Variants in ARMC2 observed in about 807,000 individuals in gnomAD.
The protein encoded by ARMC2 is armadillo repeat-containing protein 2.
A neutral mutation model predicts 90.3 loss-of-function variants in ARMC2; 67 were observed. The observed-to-expected ratio is 0.74, with a 90% CI of 0.61 to 0.91. The LOEUF (loss-of-function observed/expected upper bound fraction) is 0.91, where lower values mean the gene tolerates loss of function less well. Among genes scored for constraint, ARMC2 ranks in the 40% least tolerant of loss-of-function variants. ARMC2 has a pLI of 0.00. For synonymous variants in ARMC2, 393 were observed against 393.0 expected (o/e 1.00, Z 0.00); for missense variants, 920 against 1,030.9 (o/e 0.89, Z 1.47).
the ARMC2 span, chr6:108,998,411 G>T: frequency 7.1e-7 from 1 of 1,416,312 alleles, no homozygotes; most frequent in Non-Finnish European, 9.7e-7. Context: ...TATCTCCACA[G>T]TCTTAACAGG....
intron 7 of ARMC2, among the ~76,000 whole-genome samples, chr6:108,901,963 G>T (rs890201617): frequency 1.3e-5 from 2 of 152,204 alleles, no homozygotes; most frequent in African/African-American, 2.4e-5. Context: ...ATGAGCTCCA[G>T]GTTAGCATCT....
At chr6:108,988,628 T>C in the ARMC2 span, 2 of 1,612,614 alleles carry the variant, frequency 1.2e-6, no homozygotes, top group Admixed American at 1.7e-5. Flanking sequence ...AGTTTTGATA[T>C]AAACTTTAAA....
At chr6:108,870,349 A>C (rs888570017) in intron 4 of ARMC2, among the ~76,000 whole-genome samples, 1 of 152,172 alleles carries the variant, frequency 6.6e-6, no homozygotes, top group African/African-American at 2.4e-5. Context: ...CCATGCAGCC[A>C]CAATGGGGCA....
chr6:108,999,305 G>C, the ARMC2 span, among the ~76,000 whole-genome samples: 1 of 151,920 alleles, frequency 6.6e-6, no homozygotes, highest in Non-Finnish European at 1.5e-5. Flanking sequence ...TTGTAATCTT[G>C]TATAATTTTT....
rs953327986 is a variant in ARMC2 at position 108,962,006 on chromosome 6, A to G, written c.2039-8A>G. The G allele has an allele frequency of 1.9e-6, 3 of 1,586,060 alleles. No homozygotes were observed. The highest frequency in any genetic ancestry group is 2.6e-6 in the Non-Finnish European group (3 of 1,166,418). On this transcript the variant is annotated splice_polypyrimidine_tract_variant and splice_region_variant and intron_variant, in intron 14 of 17. Coordinates refer to ENST00000392644, the MANE Select transcript of ARMC2 (RefSeq NM_032131.6). The stretch of plus-strand genomic sequence containing the variant: ...CACTGATTTAATTTCTCTGGTCGCC[A>G]AATCCAGTGCTCTTAAAGCTTCTTG...
intron 17 of ARMC2, among the ~76,000 whole-genome samples, chr6:108,972,188 A>G (rs962821484): frequency 6.6e-5 from 10 of 152,212 alleles, no homozygotes; most frequent in Admixed American, 6.5e-4. Flanking sequence ...ATTTATGGTC[A>G]TTTATCTTCC....
intron 4 of ARMC2, among the ~76,000 whole-genome samples, chr6:108,871,733 C>T (rs186220787): frequency 9.7e-4 from 147 of 152,270 alleles, no homozygotes; most frequent in African/African-American, 3.3e-3. Flanking sequence ...GCTCCTTCCC[C>T]GCTGGGGTAC....
At chr6:108,853,386 G>C (rs1199103361) in intron 1 of ARMC2, among the ~76,000 whole-genome samples, 1 of 152,120 alleles carries the variant, frequency 6.6e-6, no homozygotes, top group Non-Finnish European at 1.5e-5. Flanking sequence ...GCAGTTTTCT[G>C]TTGTGCAGAA....
chr6:108,965,190 T>C, intron 17 of ARMC2, 50 bp downstream of exon 17: 1 of 1,523,460 alleles, frequency 6.6e-7, no homozygotes, highest in Admixed American at 1.8e-5. Flanking sequence ...GAGTGTGAGA[T>C]AGTTTTTTTC....
At chr6:109,018,736 G>A in the ARMC2 span, among the ~76,000 whole-genome samples, 4 of 152,052 alleles carry the variant, frequency 2.6e-5, no homozygotes, top group Admixed American at 6.6e-5. Flanking sequence ...TAACTGCAGC[G>A]TATCTTGAGA....
At chr6:108,954,535 A>G (rs1271342216) in intron 13 of ARMC2, among the ~76,000 whole-genome samples, 2 of 152,202 alleles carry the variant, frequency 1.3e-5, no homozygotes, top group Non-Finnish European at 2.9e-5. Context: ...AGGCAGGAGA[A>G]TCGCTTGAAC....
chr6:108,938,260 A>G (rs1776124399), intron 12 of ARMC2, among the ~76,000 whole-genome samples: 1 of 152,000 alleles, frequency 6.6e-6, no homozygotes, highest in South Asian at 2.1e-4. Flanking sequence ...TATTAAGACC[A>G]CCCCAAAACA....
the ARMC2 span, among the ~76,000 whole-genome samples, chr6:109,005,654 G>A: frequency 5.9e-5 from 9 of 152,100 alleles, no homozygotes. Flanking sequence ...TCTTGTCTTT[G>A]TAAGTCCATC....
intron 10 of ARMC2, among the ~76,000 whole-genome samples, chr6:108,919,675 A>T (rs1457847926): frequency 6.6e-6 from 1 of 152,176 alleles, no homozygotes; most frequent in Non-Finnish European, 1.5e-5. Context: ...TATACGTTTG[A>T]TGAGTTTGAC....
chr6:109,001,335 T>G, the ARMC2 span: 1 of 1,613,906 alleles, frequency 6.2e-7, no homozygotes, highest in Non-Finnish European at 8.5e-7. Flanking sequence ...GGCCCATCCA[T>G]TTGCAGTAGA....
chr6:108,854,182 C>G, intron 1 of ARMC2, 43 bp from the exon 2 acceptor site: 1 of 1,083,370 alleles, frequency 9.2e-7, no homozygotes, highest in Non-Finnish European at 1.3e-6. Context: ...TTTATAAAGT[C>G]CTGGACAAAA....
chr6:108,920,246 G>C (rs1774418645), intron 10 of ARMC2, among the ~76,000 whole-genome samples: 1 of 152,118 alleles, frequency 6.6e-6, no homozygotes, highest in African/African-American at 2.4e-5. Context: ...CCAGAGTGCA[G>C]TGGCATGATC....
At chr6:108,947,215 G>T (rs922963676) in intron 12 of ARMC2, among the ~76,000 whole-genome samples, 2 of 152,040 alleles carry the variant, frequency 1.3e-5, no homozygotes, top group Admixed American at 6.5e-5. Context: ...CTTGGTGAGG[G>T]GATGAGATAG....
At chr6:108,921,955 G>T (rs997907955) in intron 10 of ARMC2, among the ~76,000 whole-genome samples, 3 of 152,196 alleles carry the variant, frequency 2.0e-5, no homozygotes, top group Non-Finnish European at 4.4e-5. Context: ...TGAGGCCAGG[G>T]CACTAGCCTA....
Sources: gnomAD v4.1 joint callset for allele counts (sites outside exome capture counted in the v4.1 genomes callset) on GRCh38, gnomAD v4.1.1 for gene constraint, MANE v1.5 for transcripts, NCBI Gene and HGNC (gene_info 2026-07-23, HGNC 2026-07-21) for gene names.